Variants in TRMT11 observed in about 807,000 individuals in gnomAD.
The protein encoded by TRMT11 is tRNA (guanine(10)-N(2))-methyltransferase TRMT11.
In TRMT11, 53 loss-of-function variants were observed where a neutral mutation model predicts 62.8. That is an observed-to-expected ratio of 0.84 (90% confidence interval 0.68 to 1.06). TRMT11 has a LOEUF of 1.06. Ranked by LOEUF, TRMT11 falls within the 50% of genes least tolerant of loss-of-function variation. The probability of loss-of-function intolerance (pLI) is 0.00; values close to 1 mark genes in which losing one functional copy is unlikely to be tolerated. For missense variants in TRMT11, 556 were observed against 553.4 expected, an observed-to-expected ratio of 1.00 and a Z score of -0.05; for synonymous variants, 188 against 190.3, an observed-to-expected ratio of 0.99 and a Z score of 0.10.
rs1211061615 is a variant in TRMT11, at chr6:125,992,443, CTT to C, written c.73-1312_73-1311del. Among the ~76,000 whole-genome samples, 2 of 152,136 alleles carry C rather than the reference CTT, an allele frequency of 1.3e-5. 1 individual carries two copies. The highest frequency in any genetic ancestry group is 3.8e-4 in the East Asian group (2 of 5,196). The stretch of plus-strand genomic sequence containing the variant: ...CAAGATGAAGTAATTTAATCTATAA[CTT>C]TATTTTTTTTCTTTTAAGTGCTATA... On this transcript the variant is annotated intron_variant, in intron 1 of 12. Transcript: ENST00000334379.
At chr6:126,159,903 T>G (rs1778169746) in intron 21 of TRMT11, among the ~76,000 whole-genome samples, 1 of 152,188 alleles carries the variant, frequency 6.6e-6, no homozygotes, top group Non-Finnish European at 1.5e-5. Context: ...TGTACATAGT[T>G]TTATTTTCAT....
chr6:126,044,448 G>C (rs1260110760), intron 16 of TRMT11, among the ~76,000 whole-genome samples: 1 of 152,104 alleles, frequency 6.6e-6, no homozygotes, highest in Non-Finnish European at 1.5e-5. Context: ...TGCTGTTTTG[G>C]TTACTGTAGC....
At chr6:125,991,313 G>A (rs1208684846) in intron 1 of TRMT11, among the ~76,000 whole-genome samples, 2 of 151,878 alleles carry the variant, frequency 1.3e-5, no homozygotes, top group African/African-American at 2.4e-5. Context: ...GTGCAGTGGC[G>A]TGACCGTGGC....
chr6:126,125,134 C>T (rs1028643977), intron 21 of TRMT11, among the ~76,000 whole-genome samples: 10 of 152,032 alleles, frequency 6.6e-5, no homozygotes, highest in African/African-American at 1.7e-4. Flanking sequence ...TCTCTGCAGG[C>T]GCCAGGTTTT....
At chr6:126,075,158 G>A (rs771471630) in intron 17 of TRMT11, among the ~76,000 whole-genome samples, 1 of 152,136 alleles carries the variant, frequency 6.6e-6, no homozygotes, top group Admixed American at 6.6e-5. Context: ...GAAGACACAT[G>A]CAGGATACCT....
intron 1 of TRMT11, among the ~76,000 whole-genome samples, chr6:126,193,913 A>G (rs995235420): frequency 3.3e-5 from 5 of 152,074 alleles, no homozygotes; most frequent in Non-Finnish European, 5.9e-5. Flanking sequence ...AATTTTCCTT[A>G]TAATTTCTTC....
intron 1 of TRMT11, among the ~76,000 whole-genome samples, chr6:126,191,721 T>C (rs1218498222): frequency 6.6e-6 from 1 of 152,104 alleles, no homozygotes; most frequent in African/African-American, 2.4e-5. Flanking sequence ...ACAATGTATG[T>C]TCTTGGTACT....
At chr6:126,011,226 T>C (rs1367058228) in intron 8 of TRMT11, 27 bp from the exon 9 acceptor site, 1 of 1,589,736 alleles carries the variant, frequency 6.3e-7, no homozygotes, top group East Asian at 2.2e-5. Flanking sequence ...TTTAATACTT[T>C]CTCTCTTCCT....
At chr6:126,201,481 T>A (rs956909848) in intron 3 of TRMT11, among the ~76,000 whole-genome samples, 1 of 152,214 alleles carries the variant, frequency 6.6e-6, no homozygotes. Context: ...TGGACAGCAT[T>A]TCCACAGATG....
intron 17 of TRMT11, among the ~76,000 whole-genome samples, chr6:126,094,092 T>TAC (rs113557278): frequency 0.029 from 4,219 of 147,832 alleles, 138 homozygotes; most frequent in African/African-American, 0.082. Context: ...GAAAATGTGA[T>TAC]ACACACACAC....
At chr6:126,025,981 T>G (rs566399891) in intron 12 of TRMT11, among the ~76,000 whole-genome samples, 2 of 152,306 alleles carry the variant, frequency 1.3e-5, no homozygotes, top group African/African-American at 4.8e-5. Context: ...TTGGTCATAG[T>G]TTTCAGACTT....
intron 16 of TRMT11, among the ~76,000 whole-genome samples, chr6:126,052,001 T>C (rs1455203904): frequency 6.6e-6 from 1 of 152,194 alleles, no homozygotes; most frequent in Non-Finnish European, 1.5e-5. Context: ...ATGATATATA[T>C]ATTTGGCAAA....
At chr6:126,127,298 G>A (rs551688285) in intron 21 of TRMT11, among the ~76,000 whole-genome samples, 1 of 152,008 alleles carries the variant, frequency 6.6e-6, no homozygotes, top group Non-Finnish European at 1.5e-5. Flanking sequence ...TTTGGGGTCG[G>A]GAGTGGTAGT....
In TRMT11 at chr6:126,038,861, A is replaced by G; in HGVS notation, c.*25A>G. On this transcript the variant is annotated 3_prime_UTR_variant, in exon 13 of 13. Transcript: ENST00000334379. ...AAAATTAAGATTTTGACAATGAAGA[A>G]AGAATAAGAATTTGATTTAAAAAGA... 2 of 1,570,258 alleles carry G rather than the reference A, an allele frequency of 1.3e-6. No homozygotes were observed. Among genetic ancestry groups the G allele is most frequent in the African/African-American group, 2.8e-5 (2 of 72,336 alleles).
chr6:126,025,219 T>G (rs1326528324), intron 12 of TRMT11, among the ~76,000 whole-genome samples: 2 of 152,194 alleles, frequency 1.3e-5, no homozygotes, highest in Admixed American at 1.3e-4. Context: ...TTTATTTGTT[T>G]AAGAAAGTCT....
At chr6:126,110,204 G>T (rs565587626) in intron 17 of TRMT11, among the ~76,000 whole-genome samples, 2 of 152,078 alleles carry the variant, frequency 1.3e-5, no homozygotes, top group Admixed American at 6.6e-5. Flanking sequence ...TGGCTTTTTT[G>T]GGGGGCATTT....
At chr6:126,092,843 C>G (rs1246048891) in intron 17 of TRMT11, among the ~76,000 whole-genome samples, 1 of 152,100 alleles carries the variant, frequency 6.6e-6, no homozygotes, top group Non-Finnish European at 1.5e-5. Flanking sequence ...ATGGAATTAT[C>G]ACCAATAAGT....
chr6:126,219,491 C>T, the TRMT11 span, among the ~76,000 whole-genome samples: 1 of 152,226 alleles, frequency 6.6e-6, no homozygotes, highest in African/African-American at 2.4e-5. Flanking sequence ...TAAGGTCTTA[C>T]ATACCAGCTC....
intron 11 of TRMT11, among the ~76,000 whole-genome samples, chr6:126,018,833 T>C (rs972839982): frequency 5.3e-5 from 8 of 152,238 alleles, no homozygotes; most frequent in Non-Finnish European, 1.0e-4. Context: ...GAACATTCCA[T>C]TGGAATGAAA....
Sources: allele counts gnomAD v4.1 joint callset (sites outside exome capture counted in the v4.1 genomes callset), GRCh38; gene constraint gnomAD v4.1.1; transcripts MANE v1.5; gene names NCBI Gene and HGNC (gene_info 2026-07-23, HGNC 2026-07-21).